The following UBR3 variants were observed in gnomAD, a reference collection of about 807,000 sequenced individuals.
The protein encoded by UBR3 is ubiquitin protein ligase E3 component n-recognin 3, also known as E3 ubiquitin-protein ligase UBR3.
A neutral mutation model predicts 243.2 loss-of-function variants in UBR3; 85 were observed. The observed-to-expected ratio is 0.35, with a 90% confidence interval of 0.29 to 0.42. UBR3 has a LOEUF of 0.42. Ranked by LOEUF, UBR3 falls within the 10% of genes least tolerant of loss-of-function variation. The probability of loss-of-function intolerance (pLI) is 1.00; values close to 1 mark genes in which losing one functional copy is unlikely to be tolerated. For synonymous variants in UBR3, 748 were observed against 799.8 expected (o/e 0.94, Z 1.09); for missense variants, 1,686 against 2,300.8 (o/e 0.73, Z 5.47).
chr2:170,058,186 C>T (rs565811739), intron 33 of UBR3, among the ~76,000 whole-genome samples: 2 of 152,256 alleles, frequency 1.3e-5, no homozygotes, highest in East Asian at 3.9e-4. Context: ...TCACCCCTTT[C>T]CTTCCTTTCT....
intron 1 of UBR3, among the ~76,000 whole-genome samples, chr2:169,850,702 G>A (rs941877860): frequency 4.6e-5 from 7 of 152,034 alleles, no homozygotes; most frequent in African/African-American, 1.7e-4. Flanking sequence ...AAATTAGCCG[G>A]GCGTGGTGGT....
chr2:170,054,384 C>A (rs13424575), intron 32 of UBR3, among the ~76,000 whole-genome samples: 1 of 151,690 alleles, frequency 6.6e-6, no homozygotes, highest in Non-Finnish European at 1.5e-5. Context: ...CGGGTTCAAG[C>A]GATTCTCCTG....
chr2:169,842,697 G>A (rs531537494), intron 1 of UBR3, among the ~76,000 whole-genome samples: 3 of 152,220 alleles, frequency 2.0e-5, no homozygotes, highest in African/African-American at 4.8e-5. Context: ...CTGAGCCAGC[G>A]AGACCACGAA....
chr2:169,930,207 C>T (rs1043501729), intron 18 of UBR3, among the ~76,000 whole-genome samples: 32 of 152,096 alleles, frequency 2.1e-4, no homozygotes, highest in African/African-American at 7.5e-4. Context: ...TCATCAGAAT[C>T]TCTGTGGGTG....
At chr2:169,938,724 G>C (rs903205936) in intron 19 of UBR3, among the ~76,000 whole-genome samples, 7 of 151,992 alleles carry the variant, frequency 4.6e-5, no homozygotes, top group African/African-American at 1.5e-4. Flanking sequence ...CTAAATCAAG[G>C]TCACAGATAC....
chr2:169,890,545 A>ATGTGTG (rs1313430890), intron 5 of UBR3, among the ~76,000 whole-genome samples: 1 of 48,236 alleles, frequency 2.1e-5, no homozygotes, highest in South Asian at 7.4e-4. Flanking sequence ...AGAGAGATAT[A>ATGTGTG]TATATATATA....
At chr2:169,847,278 T>C (rs933280329) in intron 1 of UBR3, among the ~76,000 whole-genome samples, 2 of 152,208 alleles carry the variant, frequency 1.3e-5, no homozygotes, top group Non-Finnish European at 2.9e-5. Context: ...ATCTGTTCTT[T>C]GTTTGCTTTT....
intron 24 of UBR3, among the ~76,000 whole-genome samples, chr2:169,976,521 C>G (rs2088454163): frequency 6.7e-6 from 1 of 149,704 alleles, no homozygotes; most frequent in African/African-American, 2.5e-5. Context: ...GATAGCTTTG[C>G]TGGGTGTAGT....
chr2:170,049,912 T>C (rs745935602), intron 32 of UBR3, among the ~76,000 whole-genome samples: 38 of 152,238 alleles, frequency 2.5e-4, no homozygotes, highest in Non-Finnish European at 4.9e-4. Flanking sequence ...TCTTATTTTA[T>C]GGTAAATTGC....
Position 170,079,861 on chromosome 2 carries a change from G to T in UBR3, c.5247G>T (p.Gln1749His). 6.2e-7 allele frequency: 1 copy of T among 1,614,024 alleles called. No homozygotes were observed. ...ESKWKLPHLL[Q>H]LPENYNTIFQ... ...AATGGAAATTACCACACCTACTACA[G>T]TTGCCTGAGAATTATAACACCATTT... is the stretch of plus-strand genomic sequence containing the variant. The change falls in exon 37 of 39, where the codon CAG becomes CAT. Residue 1749 changes from glutamine to histidine, a missense_variant. Transcript: ENST00000272793.
At position 170,079,804 on chromosome 2, in the gene UBR3, A is replaced by T; in HGVS notation, c.5200-10A>T. ...ATAAAACTAATGAATATTTTTGGATAATGTTTTAGGCCTTGCTTATCCAAG... is the reference window on the plus strand; with the variant it reads ...ATAAAACTAATGAATATTTTTGGATTATGTTTTAGGCCTTGCTTATCCAAG... On this transcript the variant is annotated splice_polypyrimidine_tract_variant and intron_variant, in intron 36 of 38. Coordinates refer to ENST00000272793, the MANE Select transcript of UBR3 (RefSeq NM_172070.4). 6.3e-7 allele frequency: 1 copy of T among 1,598,410 alleles called. No individual in the cohort carries two copies. The highest frequency in any genetic ancestry group is 1.1e-5 in the South Asian group (1 of 87,762).
At chr2:169,880,014 T>C (rs1004517532) in intron 5 of UBR3, among the ~76,000 whole-genome samples, 4 of 152,192 alleles carry the variant, frequency 2.6e-5, no homozygotes, top group African/African-American at 4.8e-5. Flanking sequence ...AAGTAATTGG[T>C]AATACACATA....
chr2:169,918,747 C>A (rs1354469249), intron 11 of UBR3, among the ~76,000 whole-genome samples: 1 of 152,072 alleles, frequency 6.6e-6, no homozygotes, highest in Non-Finnish European at 1.5e-5. Flanking sequence ...TGTAGGGCAA[C>A]AATTGTGAGT....
intron 21 of UBR3, among the ~76,000 whole-genome samples, chr2:169,946,704 T>C (rs1212615928): frequency 6.6e-6 from 1 of 152,008 alleles, no homozygotes; most frequent in Non-Finnish European, 1.5e-5. Flanking sequence ...TTAAGAAAAA[T>C]GTTTAATGCA....
Position 169,851,832 on chromosome 2 carries a change from G to A in UBR3, c.546-20404G>A, listed in dbSNP as rs376276833. On this transcript the variant is annotated intron_variant, in intron 1 of 38. Coordinates refer to ENST00000272793, the MANE Select transcript of UBR3 (RefSeq NM_172070.4). ...CAGCCTGGTGACAGAGCAAGGCTCC[G>A]TCTCAAAAAAAAAAAAAAAAAACAA... Among the ~76,000 whole-genome samples, 31 of 133,364 alleles carry A rather than the reference G, an allele frequency of 2.3e-4. No individual in the cohort carries two copies. In the South Asian group the frequency reaches 7.5e-3, roughly 32 times the overall value. The allele number at this position is 133,364 out of a possible 152,430, so 87.5% of individuals were successfully genotyped here. A position where few individuals can be genotyped will look rare whatever the true frequency, so the allele number is the denominator to read the frequency against.
chr2:169,979,764 A>T (rs538500299), intron 24 of UBR3, among the ~76,000 whole-genome samples: 1 of 152,330 alleles, frequency 6.6e-6, no homozygotes, highest in South Asian at 2.1e-4. Context: ...TAAATGAAAC[A>T]TGGGAGTTTT....
intron 33 of UBR3, among the ~76,000 whole-genome samples, chr2:170,057,895 AT>A (rs1328246978): frequency 6.6e-6 from 1 of 152,166 alleles, no homozygotes; most frequent in Non-Finnish European, 1.5e-5. Flanking sequence ...TTACTACGTT[AT>A]TAGCTTTTTC....
chr2:169,856,256 T>C (rs554765958), intron 1 of UBR3, among the ~76,000 whole-genome samples: 6,534 of 144,650 alleles, frequency 0.045, 161 homozygotes, highest in Middle Eastern at 0.081. Flanking sequence ...CAGAGGCTCT[T>C]CCCATATCCC....
At position 169,877,297 on chromosome 2, in the gene UBR3, A is replaced by G. The variant is rs2083655372; in HGVS notation, c.845-197A>G. ...CTTTGTAGATTTCATTATTTGGTATAAACATGCTGTGTATTCTCGGATTGT... is the reference window on the plus strand; with the variant it reads ...CTTTGTAGATTTCATTATTTGGTATGAACATGCTGTGTATTCTCGGATTGT... On this transcript the variant is annotated intron_variant, in intron 3 of 38. Coordinates refer to ENST00000272793, the MANE Select transcript of UBR3 (RefSeq NM_172070.4). Among the ~76,000 whole-genome samples, 4 of 152,338 alleles carry G rather than the reference A, an allele frequency of 2.6e-5. No individual in the cohort carries two copies. In the South Asian group the frequency reaches 6.2e-4, roughly 24 times the overall value.
Sources: gnomAD v4.1 joint callset for allele counts (sites outside exome capture counted in the v4.1 genomes callset) on GRCh38, gnomAD v4.1.1 for gene constraint, MANE v1.5 for transcripts, NCBI Gene and HGNC (gene_info 2026-07-23, HGNC 2026-07-21) for gene names.